Variants in KLHDC1 observed in about 807,000 individuals in gnomAD.
KLHDC1 encodes the protein kelch domain-containing protein 1.
Under a neutral mutation model 68.3 loss-of-function variants are expected in KLHDC1, and 53 were observed. The observed-to-expected ratio is 0.78, with a 90% confidence interval of 0.62 to 0.98. KLHDC1 has a LOEUF of 0.98. KLHDC1 is among the 50% of genes least tolerant of loss of function. KLHDC1 has a pLI of 0.00. For missense variants in KLHDC1, 470 were observed against 492.3 expected (o/e 0.95, Z 0.43); for synonymous variants, 148 against 159.0 (o/e 0.93, Z 0.52).
intron 4 of KLHDC1, among the ~76,000 whole-genome samples, chr14:49,714,012 A>C (rs1024004560): frequency 1.3e-5 from 2 of 148,614 alleles, no homozygotes; most frequent in African/African-American, 4.9e-5. Flanking sequence ...AAACCTGGCT[A>C]ATTTTTGTAT....
At chr14:49,715,753 A>ATATATATATATATAT (rs1566604531) in intron 4 of KLHDC1, among the ~76,000 whole-genome samples, 2 of 130,626 alleles carry the variant, frequency 1.5e-5, no homozygotes, top group African/African-American at 6.1e-5. Flanking sequence ...AAAAAAAAAA[A>ATATATATATATATAT]AAAAAAAAAA....
chr14:49,693,484 C>T (rs1887631921), intron 1 of KLHDC1, among the ~76,000 whole-genome samples, 194 bp downstream of exon 1: 1 of 151,820 alleles, frequency 6.6e-6, no homozygotes, highest in Non-Finnish European at 1.5e-5. Context: ...GCCGTTGCTT[C>T]TTCTATTAAA....
Position 49,753,075 on chromosome 14 carries a change from T to A in KLHDC1, c.*1303T>A, listed in dbSNP as rs551272275. 1 of 152,158 alleles carries A rather than the reference T, an allele frequency of 6.6e-6. No homozygotes were observed. Among genetic ancestry groups the A allele is most frequent in the African/African-American group, 2.4e-5 (1 of 41,448 alleles). The allele number at this position is 152,158 out of a possible 1,614,324, so 9.4% of individuals were successfully genotyped here. A position where few individuals can be genotyped will look rare whatever the true frequency, so the allele number is the denominator to read the frequency against. On this transcript the variant is annotated 3_prime_UTR_variant, in exon 13 of 13. Coordinates refer to ENST00000359332, the MANE Select transcript of KLHDC1 (RefSeq NM_172193.3). ...GAAATATTTTTTTACGTTTTATTTA[T>A]TGTACAAAGTGTATATAATTACTGT... is the stretch of plus-strand genomic sequence containing the variant.
At chr14:49,729,079 G>A (rs1292025713) in intron 7 of KLHDC1, 70 bp downstream of exon 7, 10 of 1,041,886 alleles carry the variant, frequency 9.6e-6, no homozygotes, top group South Asian at 2.6e-5. Flanking sequence ...CTCTGATTTC[G>A]TGGAATAATT....
At chr14:49,741,238 TC>T (rs1409841760) in intron 11 of KLHDC1, among the ~76,000 whole-genome samples, 1 of 152,196 alleles carries the variant, frequency 6.6e-6, no homozygotes, top group East Asian at 1.9e-4. Context: ...ACCTGATTAT[TC>T]CTTCTGAATC....
chr14:49,704,163 T>C, intron 1 of KLHDC1, among the ~76,000 whole-genome samples: 1 of 152,182 alleles, frequency 6.6e-6, no homozygotes, highest in Non-Finnish European at 1.5e-5. Flanking sequence ...GATAGTTCAT[T>C]GTGGTTTTTG....
chr14:49,718,735 T>C (rs184111159), intron 4 of KLHDC1, among the ~76,000 whole-genome samples: 16 of 151,738 alleles, frequency 1.1e-4, no homozygotes, highest in African/African-American at 3.6e-4. Context: ...AATCAACTTT[T>C]GTTTTGTTGT....
intron 1 of KLHDC1, chr14:49,707,672 G>A (rs1302222866): frequency 6.2e-5 from 5 of 80,454 alleles, no homozygotes; most frequent in African/African-American, 1.9e-4. Context: ...TTTTTAAGAA[G>A]CAGGGTCTGC....
At chr14:49,699,772 A>C (rs1275599945) in intron 1 of KLHDC1, among the ~76,000 whole-genome samples, 7 of 152,206 alleles carry the variant, frequency 4.6e-5, no homozygotes, top group Non-Finnish European at 8.8e-5. Flanking sequence ...TAATATCAAA[A>C]AAGTAAATGG....
intron 8 of KLHDC1, among the ~76,000 whole-genome samples, chr14:49,731,790 C>T (rs2062817818): frequency 6.6e-6 from 1 of 152,158 alleles, no homozygotes; most frequent in Non-Finnish European, 1.5e-5. Context: ...AGCAATCCTC[C>T]TGCCTTGGCG....
chr14:49,711,190 A>G (rs546655190), intron 4 of KLHDC1, among the ~76,000 whole-genome samples: 172 of 150,276 alleles, frequency 1.1e-3, no homozygotes, highest in Non-Finnish European at 1.9e-3. Flanking sequence ...TTATTTATTT[A>G]TTTGTTTGTT....
chr14:49,698,457 C>T (rs1887805064), intron 1 of KLHDC1, among the ~76,000 whole-genome samples: 1 of 151,952 alleles, frequency 6.6e-6, no homozygotes, highest in Non-Finnish European at 1.5e-5. Flanking sequence ...CCACCTCAGC[C>T]TCCCAAAGTG....
At chr14:49,720,811 T>G (rs971986435) in intron 4 of KLHDC1, among the ~76,000 whole-genome samples, 1 of 152,212 alleles carries the variant, frequency 6.6e-6, no homozygotes, top group African/African-American at 2.4e-5. Context: ...ATCTATTGAC[T>G]TGTCTTCAAG....
chr14:49,734,312 A>T (rs954770185), intron 9 of KLHDC1, among the ~76,000 whole-genome samples: 5 of 152,182 alleles, frequency 3.3e-5, no homozygotes, highest in Non-Finnish European at 7.4e-5. Flanking sequence ...GGAGAAAATG[A>T]TGTGAGATCT....
At position 49,693,170 on chromosome 14, in the gene KLHDC1, A is replaced by C. The variant is rs1887614058; in HGVS notation, c.-25A>C. Reference sequence around the variant, plus strand: ...GGGCGGGCAGGGGTTGTGGCGCGGCAAGCGGCGGGCCAGCGACGGCGCGAA... The same window carrying C: ...GGGCGGGCAGGGGTTGTGGCGCGGCCAGCGGCGGGCCAGCGACGGCGCGAA... On this transcript the variant is annotated 5_prime_UTR_variant, in exon 1 of 13. Coordinates refer to ENST00000359332, the MANE Select transcript of KLHDC1 (RefSeq NM_172193.3). 1 of 1,570,404 alleles carries C rather than the reference A, an allele frequency of 6.4e-7. No homozygotes were observed.
chr14:49,698,501 C>T (rs989579658), intron 1 of KLHDC1, among the ~76,000 whole-genome samples: 5 of 149,460 alleles, frequency 3.3e-5, no homozygotes, highest in African/African-American at 1.2e-4. Context: ...CGCGCTCGGC[C>T]TTTGTTTTTT....
At chr14:49,725,935 C>G (rs548579118) in intron 6 of KLHDC1, among the ~76,000 whole-genome samples, 166 bp downstream of exon 6, 56 of 152,220 alleles carry the variant, frequency 3.7e-4, no homozygotes, top group African/African-American at 1.2e-3. Flanking sequence ...GCAACCTCCG[C>G]CTCCCGGGTT....
chr14:49,734,290 T>G (rs1221661884), intron 9 of KLHDC1, among the ~76,000 whole-genome samples: 1 of 152,182 alleles, frequency 6.6e-6, no homozygotes, highest in Non-Finnish European at 1.5e-5. Flanking sequence ...TAATGCATAC[T>G]GAAGTATGTA....
chr14:49,693,319 C>A, intron 1 of KLHDC1, 29 bp downstream of exon 1: 1 of 1,420,938 alleles, frequency 7.0e-7, no homozygotes, highest in Non-Finnish European at 9.3e-7. Flanking sequence ...ACGGGGTAGA[C>A]TCGCGCCGGG....
Sources: gnomAD v4.1 joint callset for allele counts (sites outside exome capture counted in the v4.1 genomes callset) on GRCh38, gnomAD v4.1.1 for gene constraint, MANE v1.5 for transcripts, NCBI Gene and HGNC (gene_info 2026-07-23, HGNC 2026-07-21) for gene names.